Variants in DPY30 observed in about 807,000 individuals in gnomAD.
DPY30 encodes the protein dpy-30 histone methyltransferase complex regulatory subunit.
DPY30 carries 6 observed loss-of-function variants against 16.2 expected under a neutral mutation model. The observed-to-expected ratio is 0.37, with a 90% confidence interval of 0.20 to 0.73. DPY30 has a LOEUF of 0.73. Among genes scored for constraint, DPY30 ranks in the 30% least tolerant of loss-of-function variants. The pLI is 0.51. For missense variants in DPY30, 73 were observed against 113.1 expected (o/e 0.65, Z 1.61); for synonymous variants, 39 against 38.8 (o/e 1.00, Z -0.02).
At chr2:32,017,615 CAA>C (rs59826181) in intron 5 of DPY30, among the ~76,000 whole-genome samples, 311 of 134,216 alleles carry the variant, frequency 2.3e-3, no homozygotes, top group Middle Eastern at 7.5e-3. Flanking sequence ...AACACCATCT[CAA>C]AAAAAAAAAA....
At position 32,035,795 on chromosome 2, in the gene DPY30, A is replaced by C. The variant is rs188734364; in HGVS notation, c.84+3484T>G. 4.0e-4 allele frequency among the ~76,000 whole-genome samples: 61 copies of C among 151,794 alleles called. 2 individuals are homozygous for C. Among genetic ancestry groups the C allele is most frequent in the Admixed American group, 3.9e-3 (60 of 15,196 alleles). ...CTAAAAATACAAAAATTAGCTGGGC[A>C]TGGTAGCGGGTGCCTATAATCCCAG... is the stretch of plus-strand genomic sequence containing the variant. On this transcript the variant is annotated intron_variant, in intron 3 of 4. Transcript: ENST00000342166.
At chr2:32,031,170 C>T (rs868490922) in intron 3 of DPY30, among the ~76,000 whole-genome samples, 9 of 151,990 alleles carry the variant, frequency 5.9e-5, no homozygotes, top group Middle Eastern at 3.2e-3. Context: ...CTCCTGTAAA[C>T]CCAGCACTTT....
chr2:32,022,379 T>C (rs934421970), downstream of DPY30, among the ~76,000 whole-genome samples: 1 of 152,164 alleles, frequency 6.6e-6, no homozygotes, highest in African/African-American at 2.4e-5. Flanking sequence ...TTTTTCCTAT[T>C]CAAATATGTA....
At chr2:32,012,545 C>G (rs537769643) in intron 5 of DPY30, among the ~76,000 whole-genome samples, 27 of 149,756 alleles carry the variant, frequency 1.8e-4, no homozygotes, top group Non-Finnish European at 3.1e-4. Flanking sequence ...ATTCTCTTGC[C>G]TCAGCCTCCA....
At chr2:32,020,203 C>T (rs1464568750), downstream of DPY30, among the ~76,000 whole-genome samples, 1 of 151,898 alleles carries the variant, frequency 6.6e-6, no homozygotes, top group Non-Finnish European at 1.5e-5. Flanking sequence ...AAGACTCCGT[C>T]TCAAAAACAA....
At chr2:32,023,133 A>T (rs1449957971), downstream of DPY30, among the ~76,000 whole-genome samples, 3 of 151,706 alleles carry the variant, frequency 2.0e-5, no homozygotes, top group Non-Finnish European at 2.9e-5. Context: ...ACCTTATTCC[A>T]GTTGTGACAA....
chr2:32,027,589 C>T (rs1354636010), intron 4 of DPY30, among the ~76,000 whole-genome samples: 1 of 147,868 alleles, frequency 6.8e-6, no homozygotes, highest in Non-Finnish European at 1.5e-5. Flanking sequence ...TATCAACAAT[C>T]GAGTTAACTC....
chr2:32,020,511 CTAAA>C (rs1558582728), downstream of DPY30, among the ~76,000 whole-genome samples: 2 of 152,002 alleles, frequency 1.3e-5, no homozygotes, highest in Non-Finnish European at 2.9e-5. Context: ...GACCTCATCT[CTAAA>C]TAAATAAAGT....
At chr2:32,012,425 T>TC (rs1475641407) in intron 5 of DPY30, among the ~76,000 whole-genome samples, 16 of 119,474 alleles carry the variant, frequency 1.3e-4, no homozygotes, top group Non-Finnish European at 1.6e-4. Flanking sequence ...TTTTCTTTTT[T>TC]TTTTTTTTTT....
chr2:32,021,662 G>A (rs1383352874), downstream of DPY30, among the ~76,000 whole-genome samples: 2 of 149,410 alleles, frequency 1.3e-5, no homozygotes, highest in South Asian at 2.1e-4. Flanking sequence ...CTGGGCAACC[G>A]AGCAAGACTC....
downstream of DPY30, among the ~76,000 whole-genome samples, chr2:32,022,157 C>T (rs1041229695): frequency 1.3e-5 from 2 of 151,500 alleles, no homozygotes; most frequent in South Asian, 4.2e-4. Context: ...TTGCAGTGAG[C>T]CAAGATCACG....
At position 32,034,220 on chromosome 2, in the gene DPY30, T is replaced by C. The variant is rs546943434; in HGVS notation, c.85-4484A>G. Among the ~76,000 whole-genome samples, 24 of 152,306 alleles carry C rather than the reference T, an allele frequency of 1.6e-4. No individual in the cohort carries two copies. In the South Asian group the frequency reaches 5.0e-3, roughly 32 times the overall value. On this transcript the variant is annotated intron_variant, in intron 3 of 4. Coordinates refer to ENST00000342166, the MANE Select transcript of DPY30 (RefSeq NM_001321209.2). ...CCCAAGGCCAGGGAAACAACCATCT[T>C]GTGTTAGTCCATTTGCATTGCTATA... is the stretch of plus-strand genomic sequence containing the variant.
chr2:32,037,555 A>C (rs552283739), intron 3 of DPY30, among the ~76,000 whole-genome samples: 1 of 150,620 alleles, frequency 6.6e-6, no homozygotes, highest in South Asian at 2.1e-4. Flanking sequence ...CACCATGCCC[A>C]GACAACTTTT....
At chr2:32,027,120 A>G (rs1675361421) in intron 4 of DPY30, among the ~76,000 whole-genome samples, 3 of 151,490 alleles carry the variant, frequency 2.0e-5, no homozygotes, top group Non-Finnish European at 2.9e-5. Context: ...TACTGAAAAT[A>G]CAAAAATTAG....
chr2:32,027,270 CAA>C (rs1182400819), intron 4 of DPY30, among the ~76,000 whole-genome samples: 10 of 70,170 alleles, frequency 1.4e-4, no homozygotes, highest in Admixed American at 3.3e-4. Flanking sequence ...GACTCTGTCT[CAA>C]AAAAAAAAAA....
chr2:32,038,746 C>T (rs1210520441), intron 3 of DPY30, among the ~76,000 whole-genome samples: 1 of 141,452 alleles, frequency 7.1e-6, no homozygotes, highest in Admixed American at 7.8e-5. Flanking sequence ...CTTCCAGATT[C>T]AAGAGATTCT....
downstream of DPY30, chr2:32,023,684 A>G: frequency 7.9e-7 from 1 of 1,260,100 alleles, no homozygotes. Context: ...CACCTGTGAT[A>G]CTTGTTAAGC....
chr2:32,039,137 C>T, intron 3 of DPY30, 142 bp downstream of exon 3: 1 of 962,500 alleles, frequency 1.0e-6, no homozygotes, highest in Non-Finnish European at 1.6e-6. Flanking sequence ...GCTAATAAAA[C>T]AAGCTACCCA....
rs1043012818 is a variant in DPY30, at chr2:32,039,430, T to A, written c.27A>T (p.Gly9=). The A allele has an allele frequency of 6.2e-7, 1 of 1,614,104 alleles. No individual in the cohort carries two copies. Among genetic ancestry groups the A allele is most frequent in the Non-Finnish European group, 8.5e-7 (1 of 1,180,024 alleles). ...CACGGCCTCCTGATACCTGCGTTTG[T>A]CCCTCCAGCATCTGCTCTGGCTCCA... The part of the protein sequence containing the change: MEPEQMLE[G]QTQVAENPHS... Residue 9 remains glycine, a synonymous_variant, in exon 2 of 5, where the codon GGA becomes GGT. Transcript: ENST00000342166.
Sources: gnomAD v4.1 joint callset for allele counts (sites outside exome capture counted in the v4.1 genomes callset) on GRCh38, gnomAD v4.1.1 for gene constraint, MANE v1.5 for transcripts, NCBI Gene and HGNC (gene_info 2026-07-23, HGNC 2026-07-21) for gene names.